The following TCF20 variants were observed in gnomAD, a reference collection of about 807,000 sequenced individuals.
TCF20 encodes the protein SPRE-binding protein.
In TCF20, 3 loss-of-function variants were observed where a neutral mutation model predicts 148.6. That is an observed-to-expected ratio of 0.02 (90% CI 0.01 to 0.05). The LOEUF (loss-of-function observed/expected upper bound fraction) is 0.05. Ranked by LOEUF, TCF20 falls within the 10% of genes least tolerant of loss-of-function variation. The pLI is 1.00. For missense variants in TCF20, 2,350 were observed against 2,429.3 expected (o/e 0.97, Z 0.69); for synonymous variants, 1,049 against 909.5 (o/e 1.15, Z -2.76).
intron 1 of TCF20, among the ~76,000 whole-genome samples, chr22:42,225,222 C>T (rs144242396): frequency 0.033 from 4,973 of 152,150 alleles, 116 homozygotes; most frequent in South Asian, 0.054. Context: ...TCTTGAACTC[C>T]TGACCTCAAG....
At chr22:42,177,369 C>T (rs1305491223) in intron 3 of TCF20, among the ~76,000 whole-genome samples, 1 of 152,226 alleles carries the variant, frequency 6.6e-6, no homozygotes, top group Non-Finnish European at 1.5e-5. Context: ...GGGCTGAGAT[C>T]ATGCCATTGT....
intron 1 of TCF20, among the ~76,000 whole-genome samples, chr22:42,230,831 AG>A (rs1387981433): frequency 6.6e-6 from 1 of 152,158 alleles, no homozygotes; most frequent in Non-Finnish European, 1.5e-5. Flanking sequence ...TTTTAACAAA[AG>A]TGTTTAAAAA....
chr22:42,191,350 C>T (rs572123101), intron 2 of TCF20, among the ~76,000 whole-genome samples: 23 of 152,204 alleles, frequency 1.5e-4, no homozygotes, highest in African/African-American at 5.5e-4. Context: ...AGTACAGTGA[C>T]GAGATCTTGG....
chr22:42,212,557 T>C lies in TCF20; in HGVS notation c.2749A>G (p.Met917Val), dbSNP rs148365005. ...SVILPGGLVSMETKLKSQSGQ... is the reference protein window; with the variant it reads ...SVILPGGLVSVETKLKSQSGQ... The stretch of plus-strand genomic sequence containing the variant: ...CTCTGGGATTTCAGCTTGGTTTCCA[T>C]GGACACCAAACCACCAGGAAGAATG... The change falls in exon 2 of 6, where the codon ATG becomes GTG. Residue 917 changes from methionine (M) to valine (V), a missense_variant. By Grantham distance (21) the Met-to-Val change is conservative (BLOSUM62 1). This residue lies in a region of TCF20 where 1,641 missense variants were observed against 1,662.6 expected (regional missense o/e 0.99). Coordinates refer to ENST00000677622, the MANE Select transcript of TCF20 (RefSeq NM_001378418.1). The C allele has an allele frequency of 9.9e-6, 16 of 1,613,964 alleles. No individual in the cohort carries two copies. The highest frequency in any genetic ancestry group is 4.5e-5 in the East Asian group (2 of 44,892).
intron 1 of TCF20, among the ~76,000 whole-genome samples, chr22:42,335,215 G>A (rs963723594): frequency 6.6e-6 from 1 of 152,092 alleles, no homozygotes; most frequent in Non-Finnish European, 1.5e-5. Context: ...AGTCCCACTT[G>A]GGATGCTCTC....
At chr22:42,187,013 G>A (rs1400708367) in intron 2 of TCF20, among the ~76,000 whole-genome samples, 2 of 152,198 alleles carry the variant, frequency 1.3e-5, no homozygotes, top group African/African-American at 4.8e-5. Flanking sequence ...TATGTGGAGA[G>A]CAGACCTGGA....
At chr22:42,313,484 C>T (rs1425082286) in intron 1 of TCF20, among the ~76,000 whole-genome samples, 1 of 152,114 alleles carries the variant, frequency 6.6e-6, no homozygotes, top group East Asian at 1.9e-4. Context: ...GGGGGTGCCT[C>T]GATCATCTGC....
intron 1 of TCF20, among the ~76,000 whole-genome samples, chr22:42,282,522 C>T (rs960021306): frequency 2.0e-5 from 3 of 152,236 alleles, no homozygotes; most frequent in African/African-American, 4.8e-5. Context: ...GCCGGGGGAG[C>T]GCCCAGCCCT....
At chr22:42,251,355 AT>A (rs996537935) in intron 1 of TCF20, among the ~76,000 whole-genome samples, 3 of 151,642 alleles carry the variant, frequency 2.0e-5, no homozygotes, top group African/African-American at 4.9e-5. Context: ...TAATTTTTGT[AT>A]TTTTTTGTAG....
upstream of TCF20, among the ~76,000 whole-genome samples, chr22:42,288,888 G>A (rs528318838): frequency 2.0e-5 from 3 of 152,326 alleles, no homozygotes; most frequent in African/African-American, 4.8e-5. Flanking sequence ...GCAGGCCTGG[G>A]CTGGCTCCAA....
At chr22:42,218,273 A>G (rs528475666) in intron 1 of TCF20, among the ~76,000 whole-genome samples, 54 of 152,290 alleles carry the variant, frequency 3.5e-4, no homozygotes, top group Admixed American at 2.9e-3. Flanking sequence ...CATGGTCAGT[A>G]AAAAATACCA....
chr22:42,240,153 A>G (rs1924266842), intron 1 of TCF20, among the ~76,000 whole-genome samples: 1 of 152,254 alleles, frequency 6.6e-6, no homozygotes, highest in Non-Finnish European at 1.5e-5. Context: ...AGGTACAATT[A>G]TTATTTCCAT....
intron 2 of TCF20, among the ~76,000 whole-genome samples, chr22:42,208,573 A>G (rs1267310094): frequency 1.3e-5 from 2 of 152,202 alleles, no homozygotes; most frequent in African/African-American, 4.8e-5. Context: ...ACTGCATTCC[A>G]GCCTGAGTGA....
chr22:42,304,225 C>A lies in TCF20; in HGVS notation c.-37+39254G>T, dbSNP rs1436363508. On this transcript the variant is annotated intron_variant, in intron 1 of 1. Coordinates refer to the TCF20 transcript ENST00000515426. ...GAAAATATACAGCCAGAAGCACCCCCGCCCCGCCTTAGCTGCCCGTTCCAC... is the reference window on the plus strand; with the variant it reads ...GAAAATATACAGCCAGAAGCACCCCAGCCCCGCCTTAGCTGCCCGTTCCAC... Among the ~76,000 whole-genome samples, 3 of 152,218 alleles carry A rather than the reference C, an allele frequency of 2.0e-5. No individual in the cohort carries two copies. In the South Asian group the frequency reaches 6.2e-4, roughly 31 times the overall value.
In TCF20 at chr22:42,179,759, A is replaced by G. The variant is rs147145503; in HGVS notation, c.5656-57T>C. 1.2e-4 allele frequency: 137 copies of G among 1,158,496 alleles called. No homozygotes were observed. In the East Asian group the frequency reaches 3.1e-3, roughly 26 times the overall value. 71.8% of individuals were successfully genotyped at this position (1,158,496 alleles called of 1,614,324 possible). A position where few individuals can be genotyped will look rare whatever the true frequency, so the allele number is the denominator to read the frequency against. On this transcript the variant is annotated intron_variant, in intron 2 of 5. Coordinates refer to ENST00000677622, the MANE Select transcript of TCF20 (RefSeq NM_001378418.1). ...TATCCCAGATTTGGCCCTCTCCTCC[A>G]GGCCTTCCCTGGTCCCCATCTGTTA...
chr22:42,268,379 G>C (rs1198519064), intron 1 of TCF20, among the ~76,000 whole-genome samples: 3 of 152,174 alleles, frequency 2.0e-5, no homozygotes, highest in Non-Finnish European at 4.4e-5. Flanking sequence ...CGGTTCTTCA[G>C]CATCTGCGGA....
Position 42,211,117 on chromosome 22 carries a change from T to C in TCF20, c.4189A>G (p.Ser1397Gly). The C allele has an allele frequency of 3.7e-6, 6 of 1,614,148 alleles. No individual in the cohort carries two copies. The highest frequency in any genetic ancestry group is 5.1e-6 in the Non-Finnish European group (6 of 1,180,016). ...ATGTCAGCATCCTGAACAGCAACAC[T>C]CCCACCTTCAGGAGGACCACTCTTC... ...SLKSGPPEGG[S>G]VAVQDADIEK... Residue 1397 changes from serine (S) to glycine (G), a missense_variant, in exon 2 of 6, where the codon AGT (serine) becomes GGT (glycine). Physicochemically the swap from Ser to Gly is moderately conservative, Grantham distance 56. Transcript: ENST00000677622.
intron 1 of TCF20, among the ~76,000 whole-genome samples, chr22:42,251,910 CTG>C (rs1925401334): frequency 2.0e-5 from 3 of 151,922 alleles, no homozygotes; most frequent in South Asian, 4.1e-4. Context: ...GCATCAAGAA[CTG>C]TGTCTTTTAG....
chr22:42,288,032 G>T (rs1447235631), upstream of TCF20, among the ~76,000 whole-genome samples: 2 of 152,192 alleles, frequency 1.3e-5, no homozygotes, highest in African/African-American at 4.8e-5. Flanking sequence ...CAGGCCAGTT[G>T]TATGTGCTGG....
Sources: gnomAD v4.1 joint callset for allele counts (sites outside exome capture counted in the v4.1 genomes callset) on GRCh38, gnomAD v4.1.1 for gene constraint, gnomAD v4.1.1 regional missense constraint, MANE v1.5 for transcripts, NCBI Gene and HGNC (gene_info 2026-07-23, HGNC 2026-07-21) for gene names.